Variants in CIMIP1 observed in about 807,000 individuals in gnomAD.
CIMIP1 encodes ciliary microtubule inner protein 1, also known as low in lung cancer 1.
At chr20:58,159,477 T>A in the CIMIP1 span, among the ~76,000 whole-genome samples, 1 of 151,672 alleles carries the variant, frequency 6.6e-6, no homozygotes, top group African/African-American at 2.4e-5. Flanking sequence ...ATTGCGCCAT[T>A]GCACCCTAGC....
the CIMIP1 span, chr20:58,160,514 A>G: frequency 1.4e-6 from 1 of 709,954 alleles, no homozygotes; most frequent in Non-Finnish European, 2.2e-6. Flanking sequence ...CTCTGAGTCC[A>G]GCTGATTGGA....
the CIMIP1 span, among the ~76,000 whole-genome samples, chr20:58,151,401 T>C: frequency 1.6e-4 from 25 of 152,036 alleles, no homozygotes; most frequent in Middle Eastern, 3.4e-3. Flanking sequence ...TTAAGACTGA[T>C]GATTTTTGTT....
chr20:58,153,345 T>A, the CIMIP1 span, among the ~76,000 whole-genome samples: 1,896 of 152,242 alleles, frequency 0.012, 40 homozygotes, highest in African/African-American at 0.041. Context: ...CCAACCAGCA[T>A]CTCTCTTTCG....
the CIMIP1 span, among the ~76,000 whole-genome samples, chr20:58,160,287 G>A: frequency 6.6e-6 from 1 of 152,138 alleles, no homozygotes; most frequent in Non-Finnish European, 1.5e-5. Context: ...ATCGAAACAG[G>A]GTGACGTGCA....
the CIMIP1 span, chr20:58,160,656 T>A: frequency 1.2e-6 from 2 of 1,612,868 alleles, no homozygotes; most frequent in Non-Finnish European, 1.7e-6. Context: ...GTATTTCCAT[T>A]CCAGGTCTTT....
At chr20:58,158,175 A>G in the CIMIP1 span, among the ~76,000 whole-genome samples, 1 of 152,200 alleles carries the variant, frequency 6.6e-6, no homozygotes, top group African/African-American at 2.4e-5. Context: ...TCCAGGCACC[A>G]GAACATACCA....
chr20:58,157,000 ACT>A, the CIMIP1 span, among the ~76,000 whole-genome samples: 11 of 152,208 alleles, frequency 7.2e-5, no homozygotes, highest in African/African-American at 2.7e-4. Flanking sequence ...AATGAGCTCC[ACT>A]GAGTTATGTT....
At chr20:58,159,468 T>C in the CIMIP1 span, among the ~76,000 whole-genome samples, 2 of 151,668 alleles carry the variant, frequency 1.3e-5, no homozygotes, top group Non-Finnish European at 2.9e-5. Flanking sequence ...TGAACTGAGA[T>C]TGCGCCATTG....
At chr20:58,153,600 G>A in the CIMIP1 span, 3 of 1,613,880 alleles carry the variant, frequency 1.9e-6, no homozygotes, top group Non-Finnish European at 2.5e-6. Flanking sequence ...CAGAACTGGG[G>A]GTTTTTAACA....
At chr20:58,153,460 T>C in the CIMIP1 span, 1 of 1,030,140 alleles carries the variant, frequency 9.7e-7, no homozygotes, top group Non-Finnish European at 1.5e-6. Context: ...GCCCAGTCAA[T>C]GTTCGTGGAG....
chr20:58,156,399 G>C, the CIMIP1 span, among the ~76,000 whole-genome samples: 1 of 152,066 alleles, frequency 6.6e-6, no homozygotes, highest in Non-Finnish European at 1.5e-5. Flanking sequence ...AGGCTGCTAT[G>C]TTTCAGGAAC....
At chr20:58,160,877 G>A in the CIMIP1 span, 14 of 1,562,018 alleles carry the variant, frequency 9.0e-6, no homozygotes, top group South Asian at 1.5e-4. Context: ...GGCACCCAGG[G>A]CCATGCCAGG....
At chr20:58,157,709 G>A in the CIMIP1 span, among the ~76,000 whole-genome samples, 1 of 152,308 alleles carries the variant, frequency 6.6e-6, no homozygotes, top group East Asian at 1.9e-4. Flanking sequence ...ATCGTGCAAG[G>A]AACACCTTGT....
chr20:58,152,112 T>C, the CIMIP1 span, among the ~76,000 whole-genome samples: 257 of 152,370 alleles, frequency 1.7e-3, no homozygotes, highest in African/African-American at 5.9e-3. Context: ...GATGATTTTA[T>C]GGAAAACTTC....
the CIMIP1 span, chr20:58,161,136 G>C: frequency 5.0e-6 from 1 of 201,998 alleles, no homozygotes; most frequent in Non-Finnish European, 9.9e-6. Context: ...AAAAATATTT[G>C]TCTAGGTCCT....
At chr20:58,155,355 G>A in the CIMIP1 span, 3 of 793,398 alleles carry the variant, frequency 3.8e-6, no homozygotes, top group Non-Finnish European at 6.2e-6. Context: ...GGGAAGCAAT[G>A]GGGAGGACAC....
chr20:58,159,204 T>TTTTG, the CIMIP1 span, among the ~76,000 whole-genome samples: 3 of 149,684 alleles, frequency 2.0e-5, no homozygotes, highest in Admixed American at 6.7e-5. Flanking sequence ...TTTTTTTTTT[T>TTTTG]GCATCTGCAC....
At chr20:58,154,071 A>C in the CIMIP1 span, among the ~76,000 whole-genome samples, 4 of 152,218 alleles carry the variant, frequency 2.6e-5, no homozygotes, top group Non-Finnish European at 4.4e-5. Context: ...AGATACAAGA[A>C]GGCTATGGAC....
At chr20:58,160,639 A>G in the CIMIP1 span, 1 of 1,606,026 alleles carries the variant, frequency 6.2e-7, no homozygotes, top group Non-Finnish European at 8.5e-7. Flanking sequence ...AGGTCACTAA[A>G]TCCCCTGTAT....
Sources: gnomAD v4.1 joint callset for allele counts (sites outside exome capture counted in the v4.1 genomes callset) on GRCh38, gnomAD v4.1.1 for gene constraint, MANE v1.5 for transcripts, NCBI Gene and HGNC (gene_info 2026-07-23, HGNC 2026-07-21) for gene names.